Variants in ADGRB3 observed in about 807,000 individuals in gnomAD.
ADGRB3 encodes the protein adhesion G protein-coupled receptor B3, also known as brain-specific angiogenesis inhibitor 3.
A neutral mutation model predicts 193.4 loss-of-function variants in ADGRB3; 37 were observed. The ratio of observed to expected loss-of-function variants is 0.19; its 90% confidence interval spans 0.15 to 0.25. The LOEUF is 0.25. Among genes scored for constraint, ADGRB3 ranks in the 10% least tolerant of loss-of-function variants. ADGRB3 has a pLI of 1.00. For synonymous variants in ADGRB3, 690 were observed against 644.2 expected (o/e 1.07, Z -1.08); for missense variants, 1,637 against 1,852.9 (o/e 0.88, Z 2.14).
intron 3 of ADGRB3, among the ~76,000 whole-genome samples, chr6:68,893,507 C>T (rs2150230053): frequency 6.6e-6 from 1 of 150,948 alleles, no homozygotes; most frequent in South Asian, 2.1e-4. Context: ...AAAAAGAAAG[C>T]CTGTCTCCAG....
intron 10 of ADGRB3, among the ~76,000 whole-genome samples, chr6:68,988,607 T>G (rs1019592122): frequency 6.6e-6 from 1 of 152,132 alleles, no homozygotes; most frequent in African/African-American, 2.4e-5. Flanking sequence ...CTAGGAATCC[T>G]TAGGTATTGG....
chr6:68,994,649 G>A (rs1184953075), intron 11 of ADGRB3, among the ~76,000 whole-genome samples: 7 of 152,180 alleles, frequency 4.6e-5, no homozygotes, highest in Non-Finnish European at 8.8e-5. Flanking sequence ...TACAGTTTGC[G>A]TTTCAGATTA....
intron 3 of ADGRB3, among the ~76,000 whole-genome samples, chr6:68,666,774 T>C (rs182546069): frequency 1.2e-4 from 18 of 151,940 alleles, no homozygotes; most frequent in Middle Eastern, 3.4e-3. Flanking sequence ...TTGAACTTAA[T>C]AAATGTAGTT....
chr6:68,739,697 G>T (rs1765940045), intron 3 of ADGRB3, among the ~76,000 whole-genome samples: 1 of 152,144 alleles, frequency 6.6e-6, no homozygotes, highest in African/African-American at 2.4e-5. Context: ...GACCAGAAAA[G>T]AGAGTTAATC....
At chr6:69,235,984 G>T (rs1011937369) in intron 19 of ADGRB3, among the ~76,000 whole-genome samples, 17 of 151,224 alleles carry the variant, frequency 1.1e-4, no homozygotes, top group African/African-American at 3.9e-4. Context: ...AACTATATTA[G>T]TATATAGAAA....
intron 3 of ADGRB3, among the ~76,000 whole-genome samples, chr6:68,652,380 C>T (rs866752752): frequency 7.2e-5 from 11 of 152,164 alleles, no homozygotes; most frequent in Admixed American, 7.2e-4. Context: ...CATGACCGAC[C>T]TCTTGCTCCT....
intron 3 of ADGRB3, among the ~76,000 whole-genome samples, chr6:68,786,980 C>T (rs1456189733): frequency 6.6e-6 from 1 of 152,104 alleles, no homozygotes; most frequent in African/African-American, 2.4e-5. Flanking sequence ...TATAAGAATG[C>T]TTGTGATTTT....
At chr6:68,884,799 C>T (rs947771610) in intron 3 of ADGRB3, among the ~76,000 whole-genome samples, 1 of 152,080 alleles carries the variant, frequency 6.6e-6, no homozygotes, top group Non-Finnish European at 1.5e-5. Flanking sequence ...AAAATTTGGC[C>T]TTTTTGGAAA....
At chr6:68,911,130 A>G (rs1582307621) in intron 3 of ADGRB3, among the ~76,000 whole-genome samples, 1 of 152,134 alleles carries the variant, frequency 6.6e-6, no homozygotes, top group South Asian at 2.1e-4. Flanking sequence ...ACATGGATGA[A>G]GCTGGAAACC....
At chr6:68,742,948 A>T (rs1198918570) in intron 3 of ADGRB3, among the ~76,000 whole-genome samples, 1 of 151,696 alleles carries the variant, frequency 6.6e-6, no homozygotes, top group Non-Finnish European at 1.5e-5. Flanking sequence ...TTAAGCAACT[A>T]TTTTTTCACC....
At chr6:68,821,947 A>G (rs576857440) in intron 3 of ADGRB3, among the ~76,000 whole-genome samples, 2 of 151,984 alleles carry the variant, frequency 1.3e-5, no homozygotes, top group Non-Finnish European at 2.9e-5. Context: ...TACAAAATCC[A>G]CGGAGGTAGG....
At chr6:68,848,402 C>T (rs1049103588) in intron 3 of ADGRB3, among the ~76,000 whole-genome samples, 3 of 151,960 alleles carry the variant, frequency 2.0e-5, no homozygotes, top group African/African-American at 2.4e-5. Context: ...AACTAAGAAA[C>T]TAAGAAGCTA....
intron 3 of ADGRB3, among the ~76,000 whole-genome samples, chr6:68,898,652 G>T (rs1398267975): frequency 6.6e-6 from 1 of 152,020 alleles, no homozygotes; most frequent in East Asian, 1.9e-4. Context: ...GTACAGTGTG[G>T]AAAAGGGGAA....
intron 24 of ADGRB3, among the ~76,000 whole-genome samples, chr6:69,338,374 T>A (rs1242231311): frequency 2.0e-5 from 3 of 152,188 alleles, no homozygotes; most frequent in Non-Finnish European, 4.4e-5. Context: ...GGACGATACA[T>A]ATTATAAGAA....
intron 18 of ADGRB3, 58 bp from the exon 19 acceptor site, chr6:69,234,974 A>G: frequency 7.4e-7 from 1 of 1,355,358 alleles, no homozygotes; most frequent in Non-Finnish European, 1.1e-6. Context: ...TGAGTCTAGA[A>G]GTTATTTTAA....
At chr6:69,361,584 A>T (rs1369688710) in intron 29 of ADGRB3, 72 bp downstream of exon 29, 1 of 1,460,002 alleles carries the variant, frequency 6.8e-7, no homozygotes. Flanking sequence ...ATATTGATTG[A>T]TTGGTTGATT....
intron 20 of ADGRB3, among the ~76,000 whole-genome samples, chr6:69,314,540 G>T (rs189243974): frequency 5.7e-4 from 86 of 151,718 alleles, no homozygotes; most frequent in Non-Finnish European, 8.6e-4. Context: ...AAGAGATGAT[G>T]TTTCCTCATC....
intron 3 of ADGRB3, among the ~76,000 whole-genome samples, chr6:68,664,994 T>C (rs1462276531): frequency 6.6e-6 from 1 of 151,816 alleles, no homozygotes; most frequent in African/African-American, 2.4e-5. Flanking sequence ...ATGTACTGTG[T>C]ATGTAATTGG....
intron 5 of ADGRB3, among the ~76,000 whole-genome samples, chr6:68,937,169 G>A (rs1767507369): frequency 1.3e-5 from 2 of 152,036 alleles, no homozygotes; most frequent in Admixed American, 6.5e-5. Flanking sequence ...TTTCATTAAA[G>A]TAACTTTCAT....
Sources: gnomAD v4.1 joint callset for allele counts (sites outside exome capture counted in the v4.1 genomes callset) on GRCh38, gnomAD v4.1.1 for gene constraint, MANE v1.5 for transcripts, NCBI Gene and HGNC (gene_info 2026-07-23, HGNC 2026-07-21) for gene names.